Variants in NKAIN3 observed in about 807,000 individuals in gnomAD.
NKAIN3 encodes the protein sodium/potassium-transporting ATPase subunit beta-1-interacting protein 3.
Under a neutral mutation model 30.2 loss-of-function variants are expected in NKAIN3, and 25 were observed. The ratio of observed to expected loss-of-function variants is 0.83; its 90% CI spans 0.60 to 1.16. The LOEUF (loss-of-function observed/expected upper bound fraction) is 1.16. Among genes scored for constraint, NKAIN3 ranks in the 50% most tolerant of loss-of-function variants. NKAIN3 has a pLI of 0.00. For synonymous variants in NKAIN3, 91 were observed against 89.6 expected (o/e 1.02, Z -0.09); for missense variants, 225 against 254.1 (o/e 0.89, Z 0.78).
intron 3 of NKAIN3, among the ~76,000 whole-genome samples, chr8:62,673,486 T>G (rs1022251341): frequency 6.6e-6 from 1 of 152,090 alleles, no homozygotes; most frequent in Non-Finnish European, 1.5e-5. Flanking sequence ...AGAGCTAAAG[T>G]AAATAGCAGA....
chr8:62,562,989 A>G (rs901358391), intron 1 of NKAIN3, among the ~76,000 whole-genome samples: 1 of 151,962 alleles, frequency 6.6e-6, no homozygotes, highest in African/African-American at 2.4e-5. Context: ...GGAGTCTTAA[A>G]TGTCATGGTA....
intron 1 of NKAIN3, among the ~76,000 whole-genome samples, chr8:62,459,128 G>T (rs1805910340): frequency 6.6e-6 from 1 of 151,732 alleles, no homozygotes; most frequent in Non-Finnish European, 1.5e-5. Context: ...GTCCTCAGCA[G>T]TGCTTGATCA....
At chr8:62,551,939 C>A (rs919026646) in intron 1 of NKAIN3, among the ~76,000 whole-genome samples, 1 of 152,120 alleles carries the variant, frequency 6.6e-6, no homozygotes, top group Admixed American at 6.6e-5. Context: ...CATTTCTTGG[C>A]AAATGTTTTT....
intron 3 of NKAIN3, among the ~76,000 whole-genome samples, chr8:62,608,865 TA>T (rs981038575): frequency 6.6e-6 from 1 of 152,116 alleles, no homozygotes; most frequent in Non-Finnish European, 1.5e-5. Flanking sequence ...TACACTTTCA[TA>T]GGGGGAAAAA....
At chr8:62,608,470 GTTGAAAACTGGCAC>G (rs1482155806) in intron 3 of NKAIN3, among the ~76,000 whole-genome samples, 1 of 152,144 alleles carries the variant, frequency 6.6e-6, no homozygotes, top group East Asian at 1.9e-4. Flanking sequence ...AAAACTTTAT[GTTGAAAACTGGCAC>G]AGCTCTGAAG....
chr8:62,843,559 C>A (rs971835214), intron 4 of NKAIN3, among the ~76,000 whole-genome samples: 1 of 151,742 alleles, frequency 6.6e-6, no homozygotes, highest in Non-Finnish European at 1.5e-5. Context: ...GGTCTCAAAC[C>A]CCTGACCTCA....
chr8:62,997,935 G>A (rs1804158906), intron 5 of NKAIN3, among the ~76,000 whole-genome samples: 1 of 152,072 alleles, frequency 6.6e-6, no homozygotes, highest in Non-Finnish European at 1.5e-5. Flanking sequence ...GGGTTTTTCT[G>A]TGTATGGTAC....
At chr8:62,407,643 G>A (rs537670236) in intron 1 of NKAIN3, among the ~76,000 whole-genome samples, 1 of 152,300 alleles carries the variant, frequency 6.6e-6, no homozygotes, top group Admixed American at 6.5e-5. Flanking sequence ...GTGTGAGCCA[G>A]GATGGTCTCG....
rs918876033 is a variant in NKAIN3, at chr8:62,381,139, C to G, written c.54+132012C>G. On this transcript the variant is annotated intron_variant, in intron 1 of 6. Coordinates refer to ENST00000623646, the MANE Select transcript of NKAIN3 (RefSeq NM_001304533.3). ...CATAAAAGTGAATAAAGTATTATTT[C>G]CATACTTTCCAAGGCTCTTTATCAT... Among the ~76,000 whole-genome samples the G allele has an allele frequency of 3.9e-5, 6 of 152,196 alleles. No individual in the cohort carries two copies. In the East Asian group the frequency reaches 1.2e-3, roughly 29 times the overall value.
chr8:62,630,256 T>C (rs1811914450), intron 3 of NKAIN3, among the ~76,000 whole-genome samples: 1 of 152,138 alleles, frequency 6.6e-6, no homozygotes, highest in African/African-American at 2.4e-5. Flanking sequence ...GGGGGAGTAC[T>C]GTACATTAGA....
chr8:62,543,744 A>G (rs894625491), intron 1 of NKAIN3, among the ~76,000 whole-genome samples: 1 of 152,290 alleles, frequency 6.6e-6, no homozygotes, highest in Non-Finnish European at 1.5e-5. Flanking sequence ...GAAACTGAAA[A>G]TCTCAGATTG....
chr8:62,406,069 T>C (rs1198444141), intron 1 of NKAIN3, among the ~76,000 whole-genome samples: 1 of 152,220 alleles, frequency 6.6e-6, no homozygotes, highest in African/African-American at 2.4e-5. Context: ...GGATAATTTA[T>C]CTTACTCACC....
chr8:62,255,745 C>T (rs1445935950), intron 1 of NKAIN3, among the ~76,000 whole-genome samples: 1 of 152,152 alleles, frequency 6.6e-6, no homozygotes. Context: ...GTTCTCAGGC[C>T]AGCAGAGGCA....
chr8:62,331,012 C>A (rs4308722), intron 1 of NKAIN3, among the ~76,000 whole-genome samples: 4,166 of 139,978 alleles, frequency 0.03, 172 homozygotes, highest in African/African-American at 0.092. Flanking sequence ...CTCTCTCTCT[C>A]TATATATATG....
chr8:62,876,993 AAAAAG>A (rs2130808403), intron 4 of NKAIN3, among the ~76,000 whole-genome samples: 1 of 152,280 alleles, frequency 6.6e-6, no homozygotes, highest in East Asian at 1.9e-4. Flanking sequence ...CTCAAAAAAA[AAAAAG>A]AAAAGGAGAG....
At chr8:62,319,340 G>A (rs1444136228) in intron 1 of NKAIN3, among the ~76,000 whole-genome samples, 7 of 152,000 alleles carry the variant, frequency 4.6e-5, no homozygotes, top group Non-Finnish European at 1.0e-4. Flanking sequence ...CTTCATTTCT[G>A]CTCTGATCTT....
At chr8:62,639,202 A>G (rs1443676115) in intron 3 of NKAIN3, among the ~76,000 whole-genome samples, 1 of 152,184 alleles carries the variant, frequency 6.6e-6, no homozygotes, top group East Asian at 1.9e-4. Context: ...AAATATGGAA[A>G]TTGCTTTGGG....
At chr8:62,372,649 A>G (rs1217208150) in intron 1 of NKAIN3, among the ~76,000 whole-genome samples, 1 of 152,058 alleles carries the variant, frequency 6.6e-6, no homozygotes, top group East Asian at 1.9e-4. Flanking sequence ...ACTTGTCTAT[A>G]TGCCAGATTC....
At chr8:62,528,032 T>C (rs1808363805) in intron 1 of NKAIN3, among the ~76,000 whole-genome samples, 1 of 151,318 alleles carries the variant, frequency 6.6e-6, no homozygotes. Context: ...TGTGATTTTA[T>C]AAAAATAAGA....
Sources: allele counts gnomAD v4.1 joint callset (sites outside exome capture counted in the v4.1 genomes callset), GRCh38; gene constraint gnomAD v4.1.1; transcripts MANE v1.5; gene names NCBI Gene and HGNC (gene_info 2026-07-23, HGNC 2026-07-21).